LARS1: variants seen among roughly 807,000 people sequenced by gnomAD.
LARS1 encodes leucine--tRNA ligase, cytoplasmic.
LARS1 carries 100 observed loss-of-function variants against 162.8 expected under a neutral mutation model. The ratio of observed to expected loss-of-function variants is 0.61; its 90% CI spans 0.52 to 0.73. The LOEUF (loss-of-function observed/expected upper bound fraction) is 0.73, where lower values mean the gene tolerates loss of function less well. Ranked by LOEUF, LARS1 falls within the 30% of genes least tolerant of loss-of-function variation. The pLI is 0.00. For synonymous variants in LARS1, 457 were observed against 462.8 expected (o/e 0.99, Z 0.16); for missense variants, 1,258 against 1,408.9 (o/e 0.89, Z 1.71).
intron 6 of LARS1, among the ~76,000 whole-genome samples, chr5:146,162,442 T>G (rs6871866): frequency 1.3e-5 from 2 of 152,016 alleles, no homozygotes; most frequent in African/African-American, 2.4e-5. Flanking sequence ...TCCTGAGCAG[T>G]AGGTCTCAAG....
chr5:146,125,000 T>TACACAC (rs1188144722), intron 28 of LARS1, among the ~76,000 whole-genome samples: 20 of 134,972 alleles, frequency 1.5e-4, no homozygotes, highest in Non-Finnish European at 3.1e-4. Flanking sequence ...AATATCATTT[T>TACACAC]ATACACACAC....
intron 20 of LARS1, among the ~76,000 whole-genome samples, chr5:146,141,227 G>T (rs1752764307): frequency 6.6e-6 from 1 of 152,108 alleles, no homozygotes; most frequent in African/African-American, 2.4e-5. Context: ...TTCATTAGCT[G>T]GGTAGCTTTG....
intron 13 of LARS1, among the ~76,000 whole-genome samples, 165 bp from the exon 14 acceptor site, chr5:146,152,167 G>A (rs1185153329): frequency 1.3e-5 from 2 of 152,120 alleles, no homozygotes; most frequent in African/African-American, 2.4e-5. Flanking sequence ...ACTTCCAGAT[G>A]TAAATTTGTC....
intron 31 of LARS1, among the ~76,000 whole-genome samples, chr5:146,118,007 G>A (rs1751646782): frequency 6.6e-6 from 1 of 152,062 alleles, no homozygotes; most frequent in Non-Finnish European, 1.5e-5. Flanking sequence ...CCCACTACTG[G>A]ACATATATCC....
intron 4 of LARS1, 55 bp from the exon 5 acceptor site, chr5:146,168,320 G>GT (rs1754112835): frequency 2.0e-6 from 3 of 1,528,118 alleles, no homozygotes; most frequent in Non-Finnish European, 2.6e-6. Flanking sequence ...CACAATTTCA[G>GT]TTTTTTACTG....
intron 2 of LARS1, among the ~76,000 whole-genome samples, chr5:146,176,722 A>G (rs1258629371): frequency 6.6e-6 from 1 of 152,098 alleles, no homozygotes; most frequent in Non-Finnish European, 1.5e-5. Flanking sequence ...CCCAAATATC[A>G]TGTCATGATC....
Position 146,172,719 on chromosome 5 carries a change from A to C in LARS1, c.181T>G (p.Leu61Val). 5 of 1,586,402 alleles carry C rather than the reference A, an allele frequency of 3.2e-6. No individual in the cohort carries two copies. Among genetic ancestry groups the C allele is most frequent in the Non-Finnish European group, 4.3e-6 (5 of 1,167,684 alleles). ...PYPYMNGRLH[L>V]GHTFSLSKCE... ...TTGGATAAAGAAAACGTGTGTCCCA[A>C]ATGAAGGCGTCCATTCATATATGGA... The change falls in exon 3 of 32, where the codon TTG (leucine) becomes GTG (valine). Residue 61 changes from leucine (L) to valine (V), a missense_variant. Coordinates refer to ENST00000394434, the MANE Select transcript of LARS1 (RefSeq NM_020117.11).
At position 146,114,227 on chromosome 5, in the gene LARS1, T is replaced by C. The variant is rs1161391780; in HGVS notation, c.3410A>G (p.Glu1137Gly). The change falls in exon 32 of 32, where the codon GAG (glutamate) becomes GGG (glycine). Residue 1137 changes from glutamate to glycine, a missense_variant. By Grantham distance (98) the Glu-to-Gly change is moderately conservative. Transcript: ENST00000394434. Reference sequence around the variant, plus strand: ...AGCATGCTCAGAAATGGGGGTCTTCTCGGTGTACTCCTTTCCCAGGACAGG... The same window carrying C: ...AGCATGCTCAGAAATGGGGGTCTTCCCGGTGTACTCCTTTCCCAGGACAGG... ...RVPVLGKEYT[E>G]KTPISEHAVF... 1 of 1,613,994 alleles carries C rather than the reference T, an allele frequency of 6.2e-7. No homozygotes were observed.
At chr5:146,140,893 A>ATAC (rs1293841831) in intron 20 of LARS1, among the ~76,000 whole-genome samples, 3 of 152,208 alleles carry the variant, frequency 2.0e-5, no homozygotes, top group Admixed American at 6.5e-5. Flanking sequence ...ACACATATAT[A>ATAC]TACACATATA....
At chr5:146,171,741 G>A (rs892206691) in intron 4 of LARS1, among the ~76,000 whole-genome samples, 169 bp downstream of exon 4, 5 of 152,102 alleles carry the variant, frequency 3.3e-5, no homozygotes, top group Admixed American at 2.0e-4. Flanking sequence ...CTTTATTTAA[G>A]CACTTCTTCA....
intron 4 of LARS1, among the ~76,000 whole-genome samples, chr5:146,169,969 G>T (rs1301462541): frequency 6.6e-6 from 1 of 152,136 alleles, no homozygotes; most frequent in Non-Finnish European, 1.5e-5. Context: ...TGATACAATG[G>T]TAAGTTAATA....
intron 14 of LARS1, 80 bp from the exon 15 acceptor site, chr5:146,149,779 C>T (rs1753191524): frequency 2.0e-6 from 2 of 991,482 alleles, no homozygotes; most frequent in Non-Finnish European, 3.1e-6. Context: ...TTTTCCCTAA[C>T]TAAATTTGCT....
At chr5:146,126,736 A>G (rs1158428588) in intron 27 of LARS1, among the ~76,000 whole-genome samples, 191 bp from the exon 28 acceptor site, 1 of 152,124 alleles carries the variant, frequency 6.6e-6, no homozygotes, top group Non-Finnish European at 1.5e-5. Flanking sequence ...CCTATTCTCT[A>G]TAAATTAACA....
intron 14 of LARS1, 146 bp downstream of exon 14, chr5:146,151,716 A>AT: frequency 3.9e-6 from 3 of 778,896 alleles, no homozygotes; most frequent in Non-Finnish European, 6.0e-6. Flanking sequence ...AAAATTAGAA[A>AT]TTTGGAAATA....
Position 146,128,788 on chromosome 5 carries a change from C to T in LARS1, c.2770-6G>A, listed in dbSNP as rs373663096. 71 of 1,594,672 alleles carry T rather than the reference C, an allele frequency of 4.5e-5. No individual in the cohort carries two copies. Among genetic ancestry groups the T allele is most frequent in the Middle Eastern group, 1.7e-4 (1 of 6,028 alleles). ...AGGGGTTGTTTGTCAGTCTTCTAGA[C>T]GGTAAAAGAAAGGAAAAACATTCAA... On this transcript the variant is annotated splice_region_variant and splice_polypyrimidine_tract_variant and intron_variant, in intron 26 of 31. Coordinates refer to ENST00000394434, the MANE Select transcript of LARS1 (RefSeq NM_020117.11).
chr5:146,170,984 T>C (rs1029297470), intron 4 of LARS1, among the ~76,000 whole-genome samples: 2 of 152,116 alleles, frequency 1.3e-5, no homozygotes, highest in Non-Finnish European at 2.9e-5. Flanking sequence ...TAAGACTTTG[T>C]AACTACAGGT....
chr5:146,142,204 C>T (rs1201412602), intron 20 of LARS1, among the ~76,000 whole-genome samples: 1 of 152,180 alleles, frequency 6.6e-6, no homozygotes, highest in East Asian at 1.9e-4. Flanking sequence ...AGGAGAATTG[C>T]TTGAACCTTA....
chr5:146,145,824 C>A (rs779527541), intron 15 of LARS1, among the ~76,000 whole-genome samples: 3 of 151,942 alleles, frequency 2.0e-5, no homozygotes, highest in East Asian at 3.9e-4. Context: ...AATAAAAAGA[C>A]AACAAAGAGG....
rs1764060034 is a variant in LARS1 at position 146,113,367 on chromosome 5, A to G, written c.*739T>C. 2 of 152,032 alleles carry G rather than the reference A, an allele frequency of 1.3e-5. No individual in the cohort carries two copies. The highest frequency in any genetic ancestry group is 1.3e-4 in the Admixed American group (2 of 15,234). The allele number at this position is 152,032 out of a possible 1,614,324, so 9.4% of individuals were successfully genotyped here. On this transcript the variant is annotated 3_prime_UTR_variant, in exon 32 of 32. Transcript: ENST00000394434. ...GTGTGAGCCACCACACCCGACCAGC[A>G]TGACCTTTAAACACAATTGGACTTA...
Sources: allele counts gnomAD v4.1 joint callset (sites outside exome capture counted in the v4.1 genomes callset), GRCh38; gene constraint gnomAD v4.1.1; transcripts MANE v1.5; gene names NCBI Gene and HGNC (gene_info 2026-07-23, HGNC 2026-07-21).